POT1: variants seen among roughly 807,000 people sequenced by gnomAD.
The protein encoded by POT1 is protection of telomeres protein 1.
Under a neutral mutation model 78.5 loss-of-function variants are expected in POT1, and 47 were observed. The ratio of observed to expected loss-of-function variants is 0.60; its 90% confidence interval spans 0.47 to 0.76. POT1 has a LOEUF of 0.76. Ranked by LOEUF, POT1 falls within the 30% of genes least tolerant of loss-of-function variation. The probability of loss-of-function intolerance (pLI) is 0.00; values close to 1 mark genes in which losing one functional copy is unlikely to be tolerated. For missense variants in POT1, 646 were observed against 749.9 expected, an observed-to-expected ratio of 0.86 and a Z score of 1.62; for synonymous variants, 259 against 260.7, an observed-to-expected ratio of 0.99 and a Z score of 0.06.
intron 6 of POT1, among the ~76,000 whole-genome samples, chr7:124,889,001 T>C: frequency 6.6e-6 from 1 of 151,970 alleles, no homozygotes; most frequent in East Asian, 1.9e-4. Context: ...GAGAGTCACA[T>C]GTCTCTCACT....
chr7:124,866,194 C>T (rs145732662), intron 7 of POT1, among the ~76,000 whole-genome samples: 77 of 152,256 alleles, frequency 5.1e-4, no homozygotes, highest in Non-Finnish European at 6.5e-4. Flanking sequence ...GGGACTCACC[C>T]TGCAAACTCT....
chr7:124,828,607 G>A (rs1459802237), intron 16 of POT1, among the ~76,000 whole-genome samples: 1 of 152,010 alleles, frequency 6.6e-6, no homozygotes, highest in Non-Finnish European at 1.5e-5. Context: ...AACTAAGAAA[G>A]ATGAACTTAG....
intron 12 of POT1, among the ~76,000 whole-genome samples, chr7:124,846,299 A>G (rs1584760964): frequency 6.6e-6 from 1 of 152,186 alleles, no homozygotes; most frequent in Non-Finnish European, 1.5e-5. Flanking sequence ...GGTACCTCCA[A>G]TTACAACACA....
chr7:124,877,460 G>C (rs1211851771), intron 6 of POT1, among the ~76,000 whole-genome samples: 3 of 152,012 alleles, frequency 2.0e-5, no homozygotes, highest in African/African-American at 4.8e-5. Context: ...CAGATAGATA[G>C]ATAGAGAGCA....
At chr7:124,901,552 T>TA (rs1209181019) in intron 3 of POT1, among the ~76,000 whole-genome samples, 1 of 152,112 alleles carries the variant, frequency 6.6e-6, no homozygotes, top group East Asian at 1.9e-4. Flanking sequence ...CAAAGGTAGA[T>TA]AAAACCACAA....
At chr7:124,871,387 T>C (rs1236060336) in intron 6 of POT1, among the ~76,000 whole-genome samples, 1 of 151,944 alleles carries the variant, frequency 6.6e-6, no homozygotes, top group Non-Finnish European at 1.5e-5. Context: ...AAAATAAACA[T>C]AACTAAATTT....
chr7:124,839,193 AAC>A lies in POT1; in HGVS notation c.1369+1778_1369+1779del, dbSNP rs566278944. 5.3e-5 allele frequency among the ~76,000 whole-genome samples: 8 copies of A among 152,324 alleles called. No homozygotes were observed. In the East Asian group the frequency reaches 1.5e-3, roughly 29 times the overall value. On this transcript the variant is annotated intron_variant, in intron 14 of 18. Coordinates refer to ENST00000357628, the MANE Select transcript of POT1 (RefSeq NM_015450.3). ...AGCAAAGGCAATTCAATGGAGAAGGAACAGTCTTTTTAAGAAATGGTACTGGA... is the reference window on the plus strand; with the variant it reads ...AGCAAAGGCAATTCAATGGAGAAGGAAGTCTTTTTAAGAAATGGTACTGGA...
At chr7:124,843,651 G>C (rs367874544) in intron 12 of POT1, among the ~76,000 whole-genome samples, 8 of 152,200 alleles carry the variant, frequency 5.3e-5, no homozygotes, top group Admixed American at 2.6e-4. Flanking sequence ...GATGGCCTGG[G>C]ATTGTAGTGA....
intron 2 of POT1, among the ~76,000 whole-genome samples, chr7:124,922,522 G>A (rs1013429391): frequency 6.6e-6 from 1 of 151,896 alleles, no homozygotes; most frequent in African/African-American, 2.4e-5. Flanking sequence ...TGTCAAGGGG[G>A]AAGAAAAAGC....
intron 16 of POT1, chr7:124,828,797 G>T: frequency 2.3e-6 from 1 of 437,954 alleles, no homozygotes; most frequent in East Asian, 6.5e-5. Flanking sequence ...AATAAAACAT[G>T]AGATGGCTGT....
At chr7:124,903,267 T>G (rs183872948) in intron 3 of POT1, among the ~76,000 whole-genome samples, 2 of 152,084 alleles carry the variant, frequency 1.3e-5, no homozygotes, top group African/African-American at 4.8e-5. Context: ...CTGACCATAG[T>G]TGGAAGTAAA....
chr7:124,890,637 A>G (rs973041435), intron 6 of POT1, among the ~76,000 whole-genome samples: 3 of 151,848 alleles, frequency 2.0e-5, no homozygotes, highest in African/African-American at 7.2e-5. Flanking sequence ...CAATCAACCT[A>G]TCATCTCCAC....
At chr7:124,894,261 T>C (rs1033862652) in intron 5 of POT1, among the ~76,000 whole-genome samples, 3 of 151,004 alleles carry the variant, frequency 2.0e-5, no homozygotes, top group African/African-American at 7.3e-5. Context: ...AGCTCATCAA[T>C]GATTAAAAAA....
intron 7 of POT1, among the ~76,000 whole-genome samples, chr7:124,867,204 C>T (rs779082377): frequency 2.0e-5 from 3 of 152,172 alleles, no homozygotes; most frequent in Non-Finnish European, 2.9e-5. Flanking sequence ...TGTAGTCTAA[C>T]GCATCCTCAT....
intron 2 of POT1, among the ~76,000 whole-genome samples, chr7:124,916,783 A>T (rs975990311): frequency 2.2e-4 from 33 of 152,168 alleles, no homozygotes; most frequent in African/African-American, 7.7e-4. Context: ...AAACACATGG[A>T]GCCCCCAAGC....
At chr7:124,835,199 A>C in intron 15 of POT1, 80 bp downstream of exon 15, 1 of 1,531,588 alleles carries the variant, frequency 6.5e-7, no homozygotes. Flanking sequence ...CTACGTAACA[A>C]ACCTCCATGT....
At chr7:124,828,532 C>T (rs1794685192) in intron 16 of POT1, among the ~76,000 whole-genome samples, 1 of 152,042 alleles carries the variant, frequency 6.6e-6, no homozygotes, top group South Asian at 2.1e-4. Context: ...ATACAACAGA[C>T]ATTAATACAG....
At chr7:124,918,508 G>T (rs1249838356) in intron 2 of POT1, among the ~76,000 whole-genome samples, 1 of 152,132 alleles carries the variant, frequency 6.6e-6, no homozygotes, top group Non-Finnish European at 1.5e-5. Context: ...TTCAGTAAAC[G>T]ACCTTTTTGG....
At position 124,841,164 on chromosome 7, in the gene POT1, T is replaced by A. The variant is rs746416077; in HGVS notation, c.1178A>T (p.His393Leu). 2 of 1,611,588 alleles carry A rather than the reference T, an allele frequency of 1.2e-6. No homozygotes were observed. The highest frequency in any genetic ancestry group is 3.3e-5 in the Admixed American group (2 of 59,876). ...PKCHLLQEVP[H>L]EGDLDIIFQD... ...AAAAATTATATCCAAATCGCCCTCA[T>A]GTGGAACTTCTTGCCTAAAATTATT... The change falls in exon 14 of 19, where the codon CAT becomes CTT. Residue 393 changes from histidine to leucine, a missense_variant. Physicochemically the swap from His to Leu is moderately conservative, Grantham distance 99. Transcript: ENST00000357628.
Sources: gnomAD v4.1 joint callset for allele counts (sites outside exome capture counted in the v4.1 genomes callset) on GRCh38, gnomAD v4.1.1 for gene constraint, MANE v1.5 for transcripts, NCBI Gene and HGNC (gene_info 2026-07-23, HGNC 2026-07-21) for gene names.